Variants in ATP5F1D observed in about 807,000 individuals in gnomAD.
ATP5F1D encodes ATP synthase F(1) complex subunit delta, mitochondrial.
ATP5F1D carries 16 observed loss-of-function variants against 13.0 expected under a neutral mutation model. The observed-to-expected ratio is 1.23, with a 90% CI of 0.83 to 1.87. The LOEUF is 1.87. Ranked by LOEUF, ATP5F1D falls within the 40% of genes most tolerant of loss-of-function variation. The pLI is 0.00. For missense variants in ATP5F1D, 294 were observed against 246.2 expected, an observed-to-expected ratio of 1.19 and a Z score of -1.30; for synonymous variants, 129 against 116.2, an observed-to-expected ratio of 1.11 and a Z score of -0.71.
intron 1 of ATP5F1D, chr19:1,242,211 C>T: frequency 1.3e-6 from 1 of 769,950 alleles, no homozygotes; most frequent in Non-Finnish European, 1.8e-6. Flanking sequence ...GGGTGCCCTC[C>T]CCGATCTCCC....
At chr19:1,243,895 C>A (rs2081049395) in intron 2 of ATP5F1D, among the ~76,000 whole-genome samples, 1 of 152,196 alleles carries the variant, frequency 6.6e-6, no homozygotes, top group African/African-American at 2.4e-5. Context: ...TTTCTTGCGG[C>A]CCCTGTTTTG....
chr19:1,244,011 A>G, intron 2 of ATP5F1D, 86 bp from the exon 3 acceptor site: 4 of 1,340,228 alleles, frequency 3.0e-6, no homozygotes, highest in Non-Finnish European at 4.2e-6. Flanking sequence ...CCTGGTTCAC[A>G]GGGGGCTCTG....
intron 1 of ATP5F1D, 152 bp from the exon 2 acceptor site, chr19:1,242,304 G>T (rs1568763314): frequency 1.0e-6 from 1 of 1,001,974 alleles, no homozygotes; most frequent in Non-Finnish European, 1.3e-6. Context: ...GAGGACCAAA[G>T]CTGCAACTTC....
Position 1,241,777 on chromosome 19 carries a change from G to T in ATP5F1D, c.-74G>T, listed in dbSNP as rs1178627673. 10 of 1,266,246 alleles carry T rather than the reference G, an allele frequency of 7.9e-6. No homozygotes were observed. The highest frequency in any genetic ancestry group is 2.4e-5 in the South Asian group (1 of 41,016). 78.4% of individuals were successfully genotyped at this position (1,266,246 alleles called of 1,614,324 possible). A position where few individuals can be genotyped will look rare whatever the true frequency, so the allele number is the denominator to read the frequency against. On this transcript the variant is annotated 5_prime_UTR_variant, in exon 1 of 4. Transcript: ENST00000215375. Reference sequence around the variant, plus strand: ...GACGTCCCTGCGCGTCGTCCTCCTCGCCCTCCAGGCCGCCCGCGCCGCGCC... The same window carrying T: ...GACGTCCCTGCGCGTCGTCCTCCTCTCCCTCCAGGCCGCCCGCGCCGCGCC...
chr19:1,242,123 G>A, intron 1 of ATP5F1D, 132 bp downstream of exon 1: 1 of 1,167,760 alleles, frequency 8.6e-7, no homozygotes, highest in Admixed American at 4.2e-5. Context: ...ACTCAGCCCT[G>A]GACCCTCGGC....
At chr19:1,242,057 A>G in intron 1 of ATP5F1D, 66 bp downstream of exon 1, 1 of 1,304,756 alleles carries the variant, frequency 7.7e-7, no homozygotes, top group Admixed American at 3.3e-5. Flanking sequence ...CCCCACCCCC[A>G]GGGCGCGACC....
Position 1,244,518 on chromosome 19 carries a change from C to T in ATP5F1D, c.*81C>T, listed in dbSNP as rs1252054673. ...TGGGCCCAGCCAGCTCCTGGGGTCC[C>T]GGCCACCTGGGGAAGCCGCGCCTGC... On this transcript the variant is annotated 3_prime_UTR_variant, in exon 4 of 4. Transcript: ENST00000215375. The T allele has an allele frequency of 2.1e-5, 31 of 1,501,592 alleles. No homozygotes were observed. The highest frequency in any genetic ancestry group is 3.8e-5 in the South Asian group (3 of 78,428). The allele number at this position is 1,501,592 out of a possible 1,614,324, so 93.0% of individuals were successfully genotyped here.
Position 1,241,838 on chromosome 19 carries a change from G to T in ATP5F1D, c.-13G>T, listed in dbSNP as rs2081038462. 7 of 1,325,800 alleles carry T rather than the reference G, an allele frequency of 5.3e-6. No homozygotes were observed. The highest frequency in any genetic ancestry group is 6.7e-6 in the Non-Finnish European group (7 of 1,042,312). The allele number at this position is 1,325,800 out of a possible 1,614,324, so 82.1% of individuals were successfully genotyped here. On this transcript the variant is annotated 5_prime_UTR_variant, in exon 1 of 4. Transcript: ENST00000215375. ...GTCCGCCAGCTACCCGCTTCCTGCC[G>T]CCCGCCGCTGCCATGCTGCCCGCCG...
At position 1,244,323 on chromosome 19, in the gene ATP5F1D, G is replaced by C. The variant is rs776123691; in HGVS notation, c.393G>C (p.Lys131Asn). 9.4e-6 allele frequency: 15 copies of C among 1,593,530 alleles called. No homozygotes were observed. In the African/African-American group the frequency reaches 1.5e-4, roughly 16 times the overall value. ...CCCTCAACCCCTTGCAGGCAGCCAA[G>C]GCAAACTTGGAGAAGGCCCAGGCGG... ...TLDMLDLGAA[K>N]ANLEKAQAEL... is the part of the protein sequence containing the mutation. The change falls in exon 4 of 4, where the codon AAG becomes AAC. Residue 131 changes from lysine to asparagine, a missense_variant. Physicochemically the swap from Lys to Asn is moderately conservative, Grantham distance 94. Transcript: ENST00000215375.
In ATP5F1D at chr19:1,241,963, T is replaced by G; in HGVS notation, c.113T>G (p.Met38Arg). Residue 38 changes from methionine to arginine, a missense_variant, in exon 1 of 4, where the codon ATG becomes AGG. Physicochemically the swap from Met to Arg is moderately conservative, Grantham distance 91. Coordinates refer to ENST00000215375, the MANE Select transcript of ATP5F1D (RefSeq NM_001687.5). ...GCTGCCGCCTCTGGCCCCAACCAGATGTCCTTCACCTTCGCCTCTCCCACG... is the reference window on the plus strand; with the variant it reads ...GCTGCCGCCTCTGGCCCCAACCAGAGGTCCTTCACCTTCGCCTCTCCCACG... ...APAAASGPNQ[M>R]SFTFASPTQV... The G allele has an allele frequency of 3.4e-6, 5 of 1,485,778 alleles. No individual in the cohort carries two copies. The highest frequency in any genetic ancestry group is 4.5e-6 in the Non-Finnish European group (5 of 1,118,646). The allele number at this position is 1,485,778 out of a possible 1,614,324, so 92.0% of individuals were successfully genotyped here.
chr19:1,243,704 G>A (rs944048684), intron 2 of ATP5F1D, among the ~76,000 whole-genome samples: 1 of 152,184 alleles, frequency 6.6e-6, no homozygotes, highest in Non-Finnish European at 1.5e-5. Flanking sequence ...TCAGATTAGG[G>A]GAGGAAGGTC....
intron 1 of ATP5F1D, 103 bp from the exon 2 acceptor site, chr19:1,242,353 C>T: frequency 9.1e-6 from 12 of 1,317,738 alleles, no homozygotes; most frequent in Middle Eastern, 2.8e-4. Flanking sequence ...CTCACATCAG[C>T]GCCAGGTCCT....
chr19:1,244,600 T>A lies in ATP5F1D; in HGVS notation c.*163T>A. The A allele has an allele frequency of 8.6e-7, 1 of 1,158,862 alleles. No individual in the cohort carries two copies. Among genetic ancestry groups the A allele is most frequent in the Non-Finnish European group, 1.2e-6 (1 of 837,068 alleles). The allele number at this position is 1,158,862 out of a possible 1,614,324, so 71.8% of individuals were successfully genotyped here. A position where few individuals can be genotyped will look rare whatever the true frequency, so the allele number is the denominator to read the frequency against. On this transcript the variant is annotated 3_prime_UTR_variant, in exon 4 of 4. Coordinates refer to ENST00000215375, the MANE Select transcript of ATP5F1D (RefSeq NM_001687.5). The stretch of plus-strand genomic sequence containing the variant: ...CTGCCTGGGCCCCAGGCCCTGCCTG[T>A]GTTGAAAGCTCTGGGGACTGGGCCA...
In ATP5F1D at chr19:1,244,091, C is replaced by T. The variant is rs373405216; in HGVS notation, c.296-6C>T. On this transcript the variant is annotated splice_polypyrimidine_tract_variant and splice_region_variant and intron_variant, in intron 2 of 3. Coordinates refer to ENST00000215375, the MANE Select transcript of ATP5F1D (RefSeq NM_001687.5). ...CTCACGCCTTCCCCCCGCCCCATTCCCCCAGTGAGCAGCGGTTCCATCGCA... is the reference window on the plus strand; with the variant it reads ...CTCACGCCTTCCCCCCGCCCCATTCTCCCAGTGAGCAGCGGTTCCATCGCA... 2.7e-5 allele frequency: 44 copies of T among 1,607,756 alleles called. No individual in the cohort carries two copies. Among genetic ancestry groups the T allele is most frequent in the Admixed American group, 3.3e-5 (2 of 59,716 alleles).
chr19:1,242,098 C>T lies in ATP5F1D; in HGVS notation c.141+107C>T, dbSNP rs556768680. Reference sequence around the variant, plus strand: ...TTCCGGGCCCCCGGACCCGCGCGCCCCGGAAGCCGAGGCTACTCAGCCCTG... The same window carrying T: ...TTCCGGGCCCCCGGACCCGCGCGCCTCGGAAGCCGAGGCTACTCAGCCCTG... On this transcript the variant is annotated intron_variant, in intron 1 of 3. Transcript: ENST00000215375. 1,126 of 1,239,532 alleles carry T rather than the reference C, an allele frequency of 9.1e-4. 6 individuals carry two copies. In the African/African-American group the frequency reaches 0.015, roughly 17 times the overall value. 76.8% of individuals were successfully genotyped at this position (1,239,532 alleles called of 1,614,324 possible). A position where few individuals can be genotyped will look rare whatever the true frequency, so the allele number is the denominator to read the frequency against.
At chr19:1,243,981 A>G (rs1429675663) in intron 2 of ATP5F1D, 116 bp from the exon 3 acceptor site, 4 of 1,069,192 alleles carry the variant, frequency 3.7e-6, no homozygotes, top group Non-Finnish European at 5.5e-6. Flanking sequence ...CAGGACACAG[A>G]CTTGGATGTT....
chr19:1,244,404 G>T lies in ATP5F1D; in HGVS notation c.474G>T (p.Glu158Asp). 6.4e-7 allele frequency: 1 copy of T among 1,564,322 alleles called. No individual in the cohort carries two copies. The highest frequency in any genetic ancestry group is 8.7e-7 in the Non-Finnish European group (1 of 1,154,278). The change falls in exon 4 of 4, where the codon GAG becomes GAT. Residue 158 changes from glutamate to aspartate, a missense_variant. By Grantham distance (45) the Glu-to-Asp change is conservative (BLOSUM62 2). Transcript: ENST00000215375. The part of the protein sequence containing the change: ...ATRAEIQIRI[E>D]ANEALVKALE ...GGGCAGAGATCCAGATCCGAATCGA[G>T]GCCAACGAGGCCCTGGTGAAGGCCC... is the stretch of plus-strand genomic sequence containing the variant.
At position 1,244,123 on chromosome 19, in the gene ATP5F1D, G is replaced by A. The variant is rs772125787; in HGVS notation, c.322G>A (p.Ala108Thr). The A allele has an allele frequency of 1.1e-5, 18 of 1,611,586 alleles. No homozygotes were observed. Among genetic ancestry groups the A allele is most frequent in the East Asian group, 4.5e-5 (2 of 44,768 alleles). The change falls in exon 3 of 4, where the codon GCC becomes ACC. Residue 108 changes from alanine (A) to threonine (T), a missense_variant. Coordinates refer to ENST00000215375, the MANE Select transcript of ATP5F1D (RefSeq NM_001687.5). ...GAGCAGCGGTTCCATCGCAGTGAAC[G>A]CCGACTCTTCGGTGCAGTTGTTGGC... The part of the protein sequence containing the change: ...FVSSGSIAVN[A>T]DSSVQLLAEE...
At chr19:1,243,955 G>C in intron 2 of ATP5F1D, 142 bp from the exon 3 acceptor site, 1 of 815,708 alleles carries the variant, frequency 1.2e-6, no homozygotes, top group Non-Finnish European at 2.0e-6. Context: ...CAGTCCTGTG[G>C]GTCTGTTTGC....
Sources: gnomAD v4.1 joint callset for allele counts (sites outside exome capture counted in the v4.1 genomes callset) on GRCh38, gnomAD v4.1.1 for gene constraint, MANE v1.5 for transcripts, NCBI Gene and HGNC (gene_info 2026-07-23, HGNC 2026-07-21) for gene names.